DPF3: variants seen among roughly 807,000 people sequenced by gnomAD.
The protein encoded by DPF3 is double PHD fingers 3.
Under a neutral mutation model 56.8 loss-of-function variants are expected in DPF3, and 18 were observed. The observed-to-expected ratio is 0.32, with a 90% confidence interval of 0.22 to 0.47. The LOEUF is 0.47. Ranked by LOEUF, DPF3 falls within the 20% of genes least tolerant of loss-of-function variation. The pLI, the probability that DPF3 is intolerant of heterozygous loss-of-function variation, is 1.00. For synonymous variants in DPF3, 188 were observed against 180.2 expected (o/e 1.04, Z -0.35); for missense variants, 403 against 488.8 (o/e 0.82, Z 1.65).
At chr14:72,746,500 G>A (rs1890329589) in intron 3 of DPF3, among the ~76,000 whole-genome samples, 1 of 152,210 alleles carries the variant, frequency 6.6e-6, no homozygotes, top group Non-Finnish European at 1.5e-5. Context: ...AGCAGGCCTA[G>A]TAGTAGGTCT....
intron 1 of DPF3, among the ~76,000 whole-genome samples, chr14:72,782,954 G>A (rs1383069638): frequency 6.6e-6 from 1 of 152,102 alleles, no homozygotes; most frequent in Non-Finnish European, 1.5e-5. Context: ...TCCCCAGGCT[G>A]GCTGGGCTCA....
intron 4 of DPF3, among the ~76,000 whole-genome samples, chr14:72,730,124 C>A (rs1217483861): frequency 1.3e-5 from 2 of 151,784 alleles, no homozygotes; most frequent in African/African-American, 4.8e-5. Context: ...ATCAGGGAGA[C>A]CACTGAGAAG....
chr14:72,796,353 A>C (rs1005230829), intron 1 of DPF3, among the ~76,000 whole-genome samples: 2 of 152,156 alleles, frequency 1.3e-5, no homozygotes, highest in African/African-American at 4.8e-5. Context: ...AATACAAAAA[A>C]TTAGCCAGGC....
intron 2 of DPF3, among the ~76,000 whole-genome samples, chr14:72,762,758 A>C (rs1318785873): frequency 6.6e-6 from 1 of 151,952 alleles, no homozygotes; most frequent in Non-Finnish European, 1.5e-5. Context: ...TGCAAGAGAC[A>C]AATAAAATAA....
chr14:72,640,074 A>AAAAAAAAAAAAAAG (rs1885507231), intron 8 of DPF3, among the ~76,000 whole-genome samples: 1 of 107,886 alleles, frequency 9.3e-6, no homozygotes, highest in Admixed American at 9.6e-5. Flanking sequence ...AAAAAAAAAA[A>AAAAAAAAAAAAAAG]AAAAAATGGA....
At chr14:72,623,933 G>A (rs1884635200) in intron 9 of DPF3, among the ~76,000 whole-genome samples, 1 of 152,158 alleles carries the variant, frequency 6.6e-6, no homozygotes, top group Admixed American at 6.5e-5. Context: ...ACAAAGTAAG[G>A]AAGCTATCAA....
At position 72,756,860 on chromosome 14, in the gene DPF3, GAAAGAAAGA is replaced by G. The variant is rs764835302; in HGVS notation, c.194-3498_194-3490del. 8.7e-3 allele frequency among the ~76,000 whole-genome samples: 927 copies of G among 106,760 alleles called. 12 individuals are homozygous for G. The highest frequency in any genetic ancestry group is 0.033 in the Middle Eastern group (8 of 240). 70.0% of individuals were successfully genotyped at this position (106,760 alleles called of 152,430 possible). On this transcript the variant is annotated intron_variant, in intron 2 of 10. Coordinates refer to ENST00000556509, the MANE Select transcript of DPF3 (RefSeq NM_001280542.3). ...AGAAAGAAAGAAAGAAAGAAAGAAA[GAAAGAAAGA>G]AAGGAAGGAAAGAAGGAAAGAAAGA... is the stretch of plus-strand genomic sequence containing the variant.
chr14:72,721,388 A>G (rs1889167588), intron 5 of DPF3, among the ~76,000 whole-genome samples: 1 of 152,150 alleles, frequency 6.6e-6, no homozygotes, highest in South Asian at 2.1e-4. Context: ...GGGGTGAGAG[A>G]AGGAAAGCAA....
At chr14:72,773,751 A>G in intron 1 of DPF3, 1 of 444,958 alleles carries the variant, frequency 2.2e-6, no homozygotes, top group South Asian at 1.6e-5. Context: ...TATTTGACTT[A>G]GCATAATATC....
intron 8 of DPF3, among the ~76,000 whole-genome samples, chr14:72,630,620 C>T (rs1486306390): frequency 6.6e-6 from 1 of 152,152 alleles, no homozygotes; most frequent in Admixed American, 6.5e-5. Flanking sequence ...CTGTAGAATG[C>T]AAAGACCCTT....
intron 1 of DPF3, among the ~76,000 whole-genome samples, chr14:72,817,305 A>C (rs1192785355): frequency 1.3e-5 from 2 of 152,210 alleles, no homozygotes; most frequent in African/African-American, 4.8e-5. Flanking sequence ...GGTAGGAAGA[A>C]TCAAACTAGA....
chr14:72,714,506 G>T lies in DPF3; in HGVS notation c.526-5C>A. The T allele has an allele frequency of 6.2e-7, 1 of 1,613,668 alleles. No individual in the cohort carries two copies. The highest frequency in any genetic ancestry group is 8.5e-7 in the Non-Finnish European group (1 of 1,179,716). ...GCCCCCTGCAGAGCCGCGAGCCTGG[G>T]GAGACATTGGGGTACAGGATGCTTG... On this transcript the variant is annotated splice_region_variant and splice_polypyrimidine_tract_variant and intron_variant, in intron 5 of 10. Transcript: ENST00000556509.
intron 1 of DPF3, among the ~76,000 whole-genome samples, chr14:72,849,684 A>G (rs1243709532): frequency 6.6e-6 from 1 of 152,142 alleles, no homozygotes; most frequent in Non-Finnish European, 1.5e-5. Flanking sequence ...TAGACTCAGC[A>G]AAGCAGTCAG....
intron 9 of DPF3, among the ~76,000 whole-genome samples, chr14:72,624,434 G>C (rs780702768): frequency 2.1e-4 from 31 of 145,116 alleles, no homozygotes; most frequent in Non-Finnish European, 3.8e-4. Flanking sequence ...CTTCTCCCGG[G>C]CTCAAGCAAT....
intron 1 of DPF3, among the ~76,000 whole-genome samples, chr14:72,831,212 C>T (rs989232381): frequency 3.9e-5 from 6 of 152,068 alleles, no homozygotes; most frequent in Non-Finnish European, 8.8e-5. Context: ...GGAAACGTGA[C>T]GCGGGAGGGG....
intron 8 of DPF3, among the ~76,000 whole-genome samples, chr14:72,652,985 T>G (rs1478563860): frequency 6.6e-6 from 1 of 152,186 alleles, no homozygotes; most frequent in Non-Finnish European, 1.5e-5. Context: ...ATTCTTCTGT[T>G]GTGGGTTTCA....
At chr14:72,767,348 T>C (rs188781103) in intron 2 of DPF3, among the ~76,000 whole-genome samples, 166 of 152,254 alleles carry the variant, frequency 1.1e-3, no homozygotes, top group African/African-American at 3.8e-3. Context: ...ATGTTAGAAT[T>C]ATCTGACAAG....
rs141718670 is a variant in DPF3 at position 72,702,886 on chromosome 14, C to T, written c.605-9673G>A. Among the ~76,000 whole-genome samples, 877 of 151,696 alleles carry T rather than the reference C, an allele frequency of 5.8e-3. 8 individuals are homozygous for T. The highest frequency in any genetic ancestry group is 0.02 in the African/African-American group (836 of 40,944). Reference sequence around the variant, plus strand: ...CCCCAGGTGGGCTTCTCCTCCCTCCCCTGCCCTTGAAGTTCGAGGCCAGCA... The same window carrying T: ...CCCCAGGTGGGCTTCTCCTCCCTCCTCTGCCCTTGAAGTTCGAGGCCAGCA... On this transcript the variant is annotated intron_variant, in intron 6 of 10. Transcript: ENST00000556509.
At chr14:72,775,360 A>G (rs1426871702) in intron 1 of DPF3, among the ~76,000 whole-genome samples, 1 of 152,250 alleles carries the variant, frequency 6.6e-6, no homozygotes, top group Admixed American at 6.5e-5. Context: ...ACTTGTCCTA[A>G]TATGCTAGTA....
Sources: allele counts gnomAD v4.1 joint callset (sites outside exome capture counted in the v4.1 genomes callset), GRCh38; gene constraint gnomAD v4.1.1; transcripts MANE v1.5; gene names NCBI Gene and HGNC (gene_info 2026-07-23, HGNC 2026-07-21).